PLCB1: variants seen among roughly 807,000 people sequenced by gnomAD.
The protein encoded by PLCB1 is phospholipase C beta 1, also known as 1-phosphatidylinositol 4,5-bisphosphate phosphodiesterase beta-1.
PLCB1 carries 46 observed loss-of-function variants against 161.8 expected under a neutral mutation model. That is an observed-to-expected ratio of 0.28 (90% CI 0.22 to 0.36). The LOEUF (loss-of-function observed/expected upper bound fraction) is 0.36. Ranked by LOEUF, PLCB1 falls within the 10% of genes least tolerant of loss-of-function variation. The pLI is 1.00. For missense variants in PLCB1, 1,016 were observed against 1,472.5 expected, an observed-to-expected ratio of 0.69 and a Z score of 5.07; for synonymous variants, 517 against 503.7, an observed-to-expected ratio of 1.03 and a Z score of -0.35.
chr20:8,499,628 T>C (rs2122806965), intron 3 of PLCB1, among the ~76,000 whole-genome samples: 1 of 152,346 alleles, frequency 6.6e-6, no homozygotes, highest in Admixed American at 6.5e-5. Context: ...TGCCAATATC[T>C]ACCCTTTAAA....
In PLCB1 at chr20:8,510,387, T is replaced by C. The variant is rs541698915; in HGVS notation, c.247-117907T>C. 3.7e-3 allele frequency among the ~76,000 whole-genome samples: 555 copies of C among 148,766 alleles called. 4 individuals carry two copies. Among genetic ancestry groups the C allele is most frequent in the African/African-American group, 0.013 (525 of 40,886 alleles). ...TGATCTTTTTCTTTTCTTTTTCTTT[T>C]TTTTTTTTTTTTTTTAAGATGGAGT... On this transcript the variant is annotated intron_variant, in intron 3 of 31. Coordinates refer to ENST00000338037, the MANE Select transcript of PLCB1 (RefSeq NM_015192.4).
intron 2 of PLCB1, among the ~76,000 whole-genome samples, chr20:8,364,293 G>T (rs963459016): frequency 1.3e-5 from 2 of 152,120 alleles, no homozygotes; most frequent in African/African-American, 4.8e-5. Flanking sequence ...ATTATCTGCC[G>T]CATTCATATA....
In PLCB1 at chr20:8,132,566, G is replaced by GCCCGCGC. The variant is rs557757528; in HGVS notation, c.-64_-58dup. The stretch of plus-strand genomic sequence containing the variant: ...GAGCGCCTCCGGAGCAGAGAAAGGA[G>GCCCGCGC]CCCGCGCCCCGCGCCCCGCGCCCCG... On this transcript the variant is annotated 5_prime_UTR_variant, in exon 1 of 32. Transcript: ENST00000338037. The surrounding 1 kb of genome is among the most constrained non-coding windows in gnomAD (Gnocchi z 5.2). The GCCCGCGC allele has an allele frequency of 2.4e-3, 2,018 of 825,296 alleles. 27 individuals are homozygous for GCCCGCGC. The Admixed American group carries it at 0.029, about 12-fold the overall frequency. The allele number at this position is 825,296 out of a possible 1,614,324, so 51.1% of individuals were successfully genotyped here.
chr20:8,217,187 C>T (rs553416308), intron 2 of PLCB1, among the ~76,000 whole-genome samples: 2 of 152,186 alleles, frequency 1.3e-5, no homozygotes, highest in African/African-American at 4.8e-5. Flanking sequence ...CACGCAGAAG[C>T]CAAAGTGTGT....
chr20:8,676,590 C>T (rs1990082386), intron 9 of PLCB1, among the ~76,000 whole-genome samples: 1 of 152,090 alleles, frequency 6.6e-6, no homozygotes, highest in African/African-American at 2.4e-5. Flanking sequence ...GAAGTTCTCC[C>T]AAGAATCTAA....
At chr20:8,541,275 G>A (rs1985304664) in intron 3 of PLCB1, among the ~76,000 whole-genome samples, 1 of 152,150 alleles carries the variant, frequency 6.6e-6, no homozygotes, top group Admixed American at 6.5e-5. Context: ...TATTAAGGAA[G>A]GCTTTGAATG....
At chr20:8,827,715 A>G (rs967858775) in intron 31 of PLCB1, among the ~76,000 whole-genome samples, 1 of 152,244 alleles carries the variant, frequency 6.6e-6, no homozygotes, top group Non-Finnish European at 1.5e-5. Context: ...AATCCAGGCC[A>G]GTGCCTCTGT....
At chr20:8,243,490 A>G (rs1424958418) in intron 2 of PLCB1, among the ~76,000 whole-genome samples, 1 of 151,886 alleles carries the variant, frequency 6.6e-6, no homozygotes, top group Non-Finnish European at 1.5e-5. Flanking sequence ...CAGGAAATAT[A>G]TTTTTAGGCG....
intron 3 of PLCB1, among the ~76,000 whole-genome samples, chr20:8,489,099 C>A (rs914588075): frequency 6.6e-6 from 1 of 152,014 alleles, no homozygotes; most frequent in African/African-American, 2.4e-5. Flanking sequence ...TTATTGAATA[C>A]CTTAAAAGTA....
chr20:8,703,854 A>G (rs1050384499), intron 11 of PLCB1, among the ~76,000 whole-genome samples: 6 of 152,198 alleles, frequency 3.9e-5, no homozygotes, highest in Non-Finnish European at 7.3e-5. Context: ...ACATTTTATC[A>G]ACCAAAGGAA....
At chr20:8,782,023 C>T (rs909194252) in intron 27 of PLCB1, among the ~76,000 whole-genome samples, 5 of 152,162 alleles carry the variant, frequency 3.3e-5, no homozygotes, top group Non-Finnish European at 7.3e-5. Context: ...CTTTCACATT[C>T]ATTTTTTCTT....
Position 8,754,090 on chromosome 20 carries a change from C to T in PLCB1, c.2524-2956C>T, listed in dbSNP as rs534487075. Among the ~76,000 whole-genome samples, 18 of 152,306 alleles carry T rather than the reference C, an allele frequency of 1.2e-4. No individual in the cohort carries two copies. In the South Asian group the frequency reaches 3.1e-3, roughly 26 times the overall value. On this transcript the variant is annotated intron_variant, in intron 23 of 31. Coordinates refer to ENST00000338037, the MANE Select transcript of PLCB1 (RefSeq NM_015192.4). The stretch of plus-strand genomic sequence containing the variant: ...CAACCCTTGGTGCCCACTTTATCCC[C>T]GACTGCAACCATAAAGTATTTGCCT...
rs568562933 is a variant in PLCB1 at position 8,412,280 on chromosome 20, G to T, written c.246+40830G>T. Among the ~76,000 whole-genome samples, 3 of 152,302 alleles carry T rather than the reference G, an allele frequency of 2.0e-5. No homozygotes were observed. In the East Asian group the frequency reaches 5.8e-4, roughly 29 times the overall value. ...TGTGTGCTGGCTGAGTTTGGATCCAGATAGCCAGGATCCAGTTAGCCAAAA... is the reference window on the plus strand; with the variant it reads ...TGTGTGCTGGCTGAGTTTGGATCCATATAGCCAGGATCCAGTTAGCCAAAA... On this transcript the variant is annotated intron_variant, in intron 3 of 31. Transcript: ENST00000338037.
chr20:8,536,283 A>T (rs558495340), intron 3 of PLCB1, among the ~76,000 whole-genome samples: 68 of 151,930 alleles, frequency 4.5e-4, no homozygotes, highest in Non-Finnish European at 5.9e-4. Context: ...AGAAAAAAAA[A>T]TTTGGAAAAA....
intron 25 of PLCB1, among the ~76,000 whole-genome samples, chr20:8,764,904 A>G (rs2123584882): frequency 6.6e-6 from 1 of 152,300 alleles, no homozygotes. Flanking sequence ...AACCCAAACT[A>G]AAAATATATG....
At chr20:8,616,404 A>G (rs902536078) in intron 3 of PLCB1, among the ~76,000 whole-genome samples, 1 of 152,138 alleles carries the variant, frequency 6.6e-6, no homozygotes, top group African/African-American at 2.4e-5. Context: ...ACTCTTCTCC[A>G]TCTTTCAAAT....
intron 7 of PLCB1, among the ~76,000 whole-genome samples, chr20:8,654,190 T>C (rs1989391688): frequency 6.6e-6 from 1 of 152,030 alleles, no homozygotes; most frequent in African/African-American, 2.4e-5. Flanking sequence ...ATTCCTTGTA[T>C]ATAAGCATGG....
chr20:8,630,816 T>C (rs559355374), intron 4 of PLCB1, among the ~76,000 whole-genome samples: 1 of 152,318 alleles, frequency 6.6e-6, no homozygotes, highest in South Asian at 2.1e-4. Flanking sequence ...TCAATCTGCA[T>C]ATCTTAAGTT....
intron 2 of PLCB1, among the ~76,000 whole-genome samples, chr20:8,225,343 A>C (rs572758948): frequency 6.6e-6 from 1 of 152,258 alleles, no homozygotes; most frequent in African/African-American, 2.4e-5. Context: ...GTGTGAAGAT[A>C]CCTTATTTTA....
Sources: allele counts gnomAD v4.1 joint callset (sites outside exome capture counted in the v4.1 genomes callset), GRCh38; gene constraint gnomAD v4.1.1; non-coding constraint Gnocchi (gnomAD v3.1); transcripts MANE v1.5; gene names NCBI Gene and HGNC (gene_info 2026-07-23, HGNC 2026-07-21).